Variants in OPRD1 observed in about 807,000 individuals in gnomAD.
The protein encoded by OPRD1 is delta-type opioid receptor.
Under a neutral mutation model 17.5 loss-of-function variants are expected in OPRD1, and 19 were observed. The observed-to-expected ratio is 1.09, with a 90% CI of 0.76 to 1.60. The LOEUF is 1.60. OPRD1 is among the 40% of genes most tolerant of loss of function. The pLI is 0.00. For synonymous variants in OPRD1, 256 were observed against 240.9 expected (o/e 1.06, Z -0.58); for missense variants, 483 against 547.2 (o/e 0.88, Z 1.17).
At chr1:28,836,286 C>T (rs186090264) in intron 1 of OPRD1, among the ~76,000 whole-genome samples, 160 of 152,092 alleles carry the variant, frequency 1.1e-3, no homozygotes, top group South Asian at 2.5e-3. Context: ...GAGGCCAAGG[C>T]GGGTGGATCA....
intron 1 of OPRD1, among the ~76,000 whole-genome samples, chr1:28,831,379 T>C (rs1216521381): frequency 6.6e-6 from 1 of 152,014 alleles, no homozygotes; most frequent in African/African-American, 2.4e-5. Context: ...CGTGGTGGCG[T>C]GCGCCTGTAG....
intron 1 of OPRD1, among the ~76,000 whole-genome samples, chr1:28,820,971 T>C (rs2088708628): frequency 6.6e-6 from 1 of 152,084 alleles, no homozygotes; most frequent in Non-Finnish European, 1.5e-5. Flanking sequence ...TTTCAGAAAA[T>C]GTGGAGAAAT....
chr1:28,824,468 C>A (rs2088746861), intron 1 of OPRD1, among the ~76,000 whole-genome samples: 1 of 151,452 alleles, frequency 6.6e-6, no homozygotes, highest in Non-Finnish European at 1.5e-5. Flanking sequence ...CGCCCGCCAC[C>A]ACACCCGGCT....
intron 1 of OPRD1, among the ~76,000 whole-genome samples, chr1:28,842,964 TGG>T (rs566419231): frequency 7.1e-6 from 1 of 140,934 alleles, no homozygotes. Context: ...CCTAGCTACT[TGG>T]GAAAAAAAAA....
At position 28,865,810 on chromosome 1, in the gene OPRD1, GCAGAAAAAGGGA is replaced by G. The variant is rs2089171467; in HGVS notation, c.*2530_*2541del. On this transcript the variant is annotated 3_prime_UTR_variant, in exon 3 of 3. Transcript: ENST00000234961. ...CTCCTGTGAATGCTTTGGGGGTATG[GCAGAAAAAGGGA>G]CAATCTAGGAACTGGGGAAGACTCC... 1 of 152,290 alleles carries G rather than the reference GCAGAAAAAGGGA, an allele frequency of 6.6e-6. No individual in the cohort carries two copies. Among genetic ancestry groups the G allele is most frequent in the African/African-American group, 2.4e-5 (1 of 41,536 alleles). 9.4% of individuals were successfully genotyped at this position (152,290 alleles called of 1,614,324 possible). A position where few individuals can be genotyped will look rare whatever the true frequency, so the allele number is the denominator to read the frequency against.
At chr1:28,818,645 G>A (rs2088689272) in intron 1 of OPRD1, among the ~76,000 whole-genome samples, 1 of 152,216 alleles carries the variant, frequency 6.6e-6, no homozygotes, top group Non-Finnish European at 1.5e-5. Flanking sequence ...GGCGTCGTAA[G>A]CAGGTGTCCT....
rs1042911122 is a variant in OPRD1 at position 28,867,106 on chromosome 1, CA to C, written c.*3825del. On this transcript the variant is annotated 3_prime_UTR_variant, in exon 3 of 3. Coordinates refer to ENST00000234961, the MANE Select transcript of OPRD1 (RefSeq NM_000911.4). The stretch of plus-strand genomic sequence containing the variant: ...CACTGCAGTCTCAAACTCCTGGGCT[CA>C]AGTGATCTTCCCACCTCAGCCTCCT... 14 of 151,710 alleles carry C rather than the reference CA, an allele frequency of 9.2e-5. No homozygotes were observed. Among genetic ancestry groups the C allele is most frequent in the African/African-American group, 3.4e-4 (14 of 41,274 alleles). 9.4% of individuals were successfully genotyped at this position (151,710 alleles called of 1,614,324 possible). A position where few individuals can be genotyped will look rare whatever the true frequency, so the allele number is the denominator to read the frequency against.
At chr1:28,815,102 G>A (rs1333382930) in intron 1 of OPRD1, among the ~76,000 whole-genome samples, 1 of 152,020 alleles carries the variant, frequency 6.6e-6, no homozygotes, top group Non-Finnish European at 1.5e-5. Context: ...CTGGAAGGAG[G>A]GTGGCAGAAT....
intron 1 of OPRD1, among the ~76,000 whole-genome samples, chr1:28,816,277 G>A (rs892808198): frequency 2.0e-5 from 3 of 152,110 alleles, no homozygotes; most frequent in African/African-American, 7.2e-5. Context: ...GGCTATCTGT[G>A]AAAGTATGTG....
intron 1 of OPRD1, among the ~76,000 whole-genome samples, chr1:28,842,030 T>A (rs186358128): frequency 6.6e-6 from 1 of 151,380 alleles, no homozygotes; most frequent in East Asian, 2.0e-4. Context: ...GCCTTATTTT[T>A]ATTTTTATTT....
Position 28,863,182 on chromosome 1 carries a change from C to T in OPRD1, c.1018C>T (p.Pro340Ser), listed in dbSNP as rs201916183. ...GCTCTGCCGCAAGCCCTGCGGCCGC[C>T]CAGACCCCAGCAGCTTCAGCCGCGC... is the stretch of plus-strand genomic sequence containing the variant. Reference protein sequence around the residue: ...RQLCRKPCGRPDPSSFSRARE... With the variant: ...RQLCRKPCGRSDPSSFSRARE... Residue 340 changes from proline (P) to serine (S), a missense_variant, in exon 3 of 3, where the codon CCA (proline) becomes TCA (serine). Transcript: ENST00000234961. The T allele has an allele frequency of 1.8e-5, 28 of 1,597,494 alleles. No homozygotes were observed. In the African/African-American group the frequency reaches 3.6e-4, roughly 21 times the overall value.
chr1:28,850,823 A>G (rs2088996260), intron 1 of OPRD1, among the ~76,000 whole-genome samples: 1 of 136,248 alleles, frequency 7.3e-6, no homozygotes, highest in African/African-American at 3.0e-5. Flanking sequence ...TAATAATAAT[A>G]ATAATAATAA....
At chr1:28,825,876 G>C (rs1045385785) in intron 1 of OPRD1, among the ~76,000 whole-genome samples, 18 of 152,332 alleles carry the variant, frequency 1.2e-4, no homozygotes, top group Admixed American at 1.0e-3. Context: ...CGTGCTGTCT[G>C]TTTTCTCATC....
intron 1 of OPRD1, among the ~76,000 whole-genome samples, chr1:28,848,944 G>A (rs2088976009): frequency 3.9e-5 from 6 of 152,138 alleles, no homozygotes; most frequent in Admixed American, 3.3e-4. Flanking sequence ...GGGAGTACTG[G>A]GACTGTTAGG....
In OPRD1 at chr1:28,812,320, C is replaced by T; in HGVS notation, c.-64C>T. 4.3e-6 allele frequency: 5 copies of T among 1,163,264 alleles called. No individual in the cohort carries two copies. Among genetic ancestry groups the T allele is most frequent in the Non-Finnish European group, 5.4e-6 (5 of 922,292 alleles). 72.1% of individuals were successfully genotyped at this position (1,163,264 alleles called of 1,614,324 possible). ...GCGGCCTCTGCCTTGCCGCTCCCCT[C>T]GCGTCGGATCCCCGCGCCCAGGGCG... On this transcript the variant is annotated 5_prime_UTR_variant, in exon 1 of 3. Transcript: ENST00000234961.
At chr1:28,861,724 C>T (rs767266700) in intron 2 of OPRD1, among the ~76,000 whole-genome samples, 1 of 151,994 alleles carries the variant, frequency 6.6e-6, no homozygotes, top group Non-Finnish European at 1.5e-5. Flanking sequence ...GGATTACAGG[C>T]ATGAGCCCCA....
chr1:28,834,943 C>T (rs953076265), intron 1 of OPRD1, among the ~76,000 whole-genome samples: 13 of 152,110 alleles, frequency 8.5e-5, no homozygotes, highest in African/African-American at 3.1e-4. Context: ...TCCTGTGTGT[C>T]CCCCGCCATT....
At chr1:28,848,621 A>C (rs1043051836) in intron 1 of OPRD1, among the ~76,000 whole-genome samples, 7 of 152,178 alleles carry the variant, frequency 4.6e-5, no homozygotes, top group Non-Finnish European at 1.0e-4. Flanking sequence ...TCCACTTAAT[A>C]CCTGTTAGAT....
intron 1 of OPRD1, among the ~76,000 whole-genome samples, chr1:28,815,338 T>A (rs947724661): frequency 1.3e-5 from 2 of 152,232 alleles, no homozygotes; most frequent in East Asian, 3.9e-4. Context: ...ACTTCTGAGC[T>A]CAAGCAGTCC....
Sources: allele counts gnomAD v4.1 joint callset (sites outside exome capture counted in the v4.1 genomes callset), GRCh38; gene constraint gnomAD v4.1.1; transcripts MANE v1.5; gene names NCBI Gene and HGNC (gene_info 2026-07-23, HGNC 2026-07-21).